DAB1: variants seen among roughly 807,000 people sequenced by gnomAD.
DAB1 encodes disabled homolog 1.
DAB1 carries 15 observed loss-of-function variants against 64.6 expected under a neutral mutation model. The observed-to-expected ratio is 0.23, with a 90% confidence interval of 0.16 to 0.36. The LOEUF (loss-of-function observed/expected upper bound fraction) is 0.36. Among genes scored for constraint, DAB1 ranks in the 10% least tolerant of loss-of-function variants. DAB1 has a pLI of 1.00. For synonymous variants in DAB1, 235 were observed against 251.9 expected (o/e 0.93, Z 0.64); for missense variants, 596 against 706.7 (o/e 0.84, Z 1.78).
rs189891198 is a variant in DAB1 at position 57,339,821 on chromosome 1, G to T, written c.-136-48655C>A. The stretch of plus-strand genomic sequence containing the variant: ...CTTCACAATATAGTTATGACAAAAT[G>T]ACACTTAGTACTGAAAACTTAAGCA... On this transcript the variant is annotated intron_variant, in intron 1 of 14. Transcript: ENST00000371236. Among the ~76,000 whole-genome samples the T allele has an allele frequency of 4.6e-5, 7 of 152,302 alleles. No homozygotes were observed. In the South Asian group the frequency reaches 8.3e-4, roughly 18 times the overall value.
intron 6 of DAB1, among the ~76,000 whole-genome samples, chr1:57,684,869 T>C (rs1646676776): frequency 2.0e-5 from 3 of 152,114 alleles, no homozygotes; most frequent in Admixed American, 2.0e-4. Context: ...CATGTAATTA[T>C]ACCCACAGGC....
intron 6 of DAB1, among the ~76,000 whole-genome samples, chr1:57,716,346 A>G (rs1270423716): frequency 6.6e-6 from 1 of 152,268 alleles, no homozygotes; most frequent in East Asian, 1.9e-4. Context: ...AATATATTAC[A>G]AAACTATAGT....
intron 1 of DAB1, chr1:57,863,010 A>G (rs936827611): frequency 2.0e-5 from 3 of 152,040 alleles, no homozygotes; most frequent in Admixed American, 1.3e-4. Context: ...GATAATTGCT[A>G]AAAACTAGAA....
chr1:58,312,294 T>C (rs970694823), intron 4 of DAB1, among the ~76,000 whole-genome samples: 1 of 152,218 alleles, frequency 6.6e-6, no homozygotes, highest in African/African-American at 2.4e-5. Context: ...TTTTTCTTCA[T>C]ACATTCTAAT....
At chr1:57,967,701 G>C (rs1345179571) in intron 5 of DAB1, among the ~76,000 whole-genome samples, 1 of 151,876 alleles carries the variant, frequency 6.6e-6, no homozygotes, top group Non-Finnish European at 1.5e-5. Flanking sequence ...TTTACAGGGG[G>C]GTTGTGAGGA....
intron 3 of DAB1, among the ~76,000 whole-genome samples, chr1:58,366,733 G>A (rs1332773498): frequency 6.6e-6 from 1 of 152,204 alleles, no homozygotes; most frequent in Non-Finnish European, 1.5e-5. Context: ...AACAGTCACT[G>A]TTTCTTGGGT....
At chr1:58,089,233 G>A (rs995378397) in intron 5 of DAB1, among the ~76,000 whole-genome samples, 4 of 152,206 alleles carry the variant, frequency 2.6e-5, no homozygotes, top group South Asian at 2.1e-4. Context: ...GGGGGAAGAC[G>A]TTAATTTCTC....
chr1:57,275,718 T>C (rs1671406047), intron 2 of DAB1, among the ~76,000 whole-genome samples: 2 of 152,208 alleles, frequency 1.3e-5, no homozygotes, highest in Non-Finnish European at 2.9e-5. Flanking sequence ...ATTCCCGTGC[T>C]TTACTAGAGT....
At chr1:57,979,445 G>C (rs1001251287) in intron 5 of DAB1, among the ~76,000 whole-genome samples, 1 of 152,154 alleles carries the variant, frequency 6.6e-6, no homozygotes, top group Non-Finnish European at 1.5e-5. Context: ...GATAACATTG[G>C]GAGAAATACC....
intron 6 of DAB1, among the ~76,000 whole-genome samples, chr1:57,740,037 C>T (rs1479012910): frequency 1.3e-5 from 1 of 74,086 alleles, no homozygotes; most frequent in African/African-American, 5.2e-5. Flanking sequence ...TCTACTACTA[C>T]TACTACTACA....
intron 6 of DAB1, among the ~76,000 whole-genome samples, chr1:57,678,711 G>A (rs745893563): frequency 3.3e-5 from 5 of 150,810 alleles, no homozygotes; most frequent in East Asian, 1.9e-4. Flanking sequence ...CAAGCATCTC[G>A]CTTAGTATTT....
chr1:57,178,942 C>T (rs1342910506), intron 2 of DAB1, among the ~76,000 whole-genome samples: 1 of 151,922 alleles, frequency 6.6e-6, no homozygotes, highest in African/African-American at 2.4e-5. Flanking sequence ...ATGCAAAATA[C>T]CATATTTTAA....
chr1:58,324,336 T>C (rs1662770754), intron 4 of DAB1, among the ~76,000 whole-genome samples: 1 of 152,248 alleles, frequency 6.6e-6, no homozygotes, highest in South Asian at 2.1e-4. Context: ...ATTGCTAATC[T>C]ATTCATAAAA....
intron 3 of DAB1, among the ~76,000 whole-genome samples, chr1:58,447,237 G>A (rs549443833): frequency 6.6e-6 from 1 of 152,314 alleles, no homozygotes; most frequent in South Asian, 2.1e-4. Flanking sequence ...ATAGTAGCAA[G>A]GGGTGGCGGG....
At chr1:57,358,646 C>A (rs1035846734) in intron 1 of DAB1, among the ~76,000 whole-genome samples, 2 of 152,042 alleles carry the variant, frequency 1.3e-5, no homozygotes, top group East Asian at 3.9e-4. Context: ...TCTTATGGAA[C>A]CACAAAAGAG....
intron 4 of DAB1, among the ~76,000 whole-genome samples, chr1:58,249,358 T>C (rs1307497601): frequency 1.4e-5 from 2 of 147,332 alleles, no homozygotes; most frequent in African/African-American, 4.9e-5. Flanking sequence ...CACCTCATCA[T>C]CAGTGAAAGC....
intron 7 of DAB1, among the ~76,000 whole-genome samples, chr1:57,452,166 C>CCTTTTTT (rs367685387): frequency 2.4e-4 from 18 of 75,012 alleles, no homozygotes; most frequent in African/African-American, 4.8e-4. Context: ...TGCACCCCCC[C>CCTTTTTT]TTTTTTTTTT....
intron 9 of DAB1, among the ~76,000 whole-genome samples, chr1:57,039,210 A>C (rs1419867157): frequency 6.6e-6 from 1 of 152,208 alleles, no homozygotes; most frequent in Non-Finnish European, 1.5e-5. Context: ...CCCCCACTGC[A>C]AAAGAGGGAT....
intron 3 of DAB1, among the ~76,000 whole-genome samples, chr1:58,354,951 T>C (rs1384266953): frequency 6.6e-6 from 1 of 152,152 alleles, no homozygotes; most frequent in Non-Finnish European, 1.5e-5. Flanking sequence ...CCCTCTAAGT[T>C]AGTTGATTTT....
Sources: allele counts gnomAD v4.1 joint callset (sites outside exome capture counted in the v4.1 genomes callset), GRCh38; gene constraint gnomAD v4.1.1; transcripts MANE v1.5; gene names NCBI Gene and HGNC (gene_info 2026-07-23, HGNC 2026-07-21).